NGF: variants seen among roughly 807,000 people sequenced by gnomAD.
NGF encodes the protein beta-nerve growth factor.
NGF carries 4 observed loss-of-function variants against 12.8 expected under a neutral mutation model. The ratio of observed to expected loss-of-function variants is 0.31; its 90% confidence interval spans 0.15 to 0.72. The LOEUF (loss-of-function observed/expected upper bound fraction) is 0.72, where lower values mean the gene tolerates loss of function less well. Among genes scored for constraint, NGF ranks in the 30% least tolerant of loss-of-function variants. NGF has a pLI of 0.69. For synonymous variants in NGF, 140 were observed against 130.0 expected, an observed-to-expected ratio of 1.08 and a Z score of -0.52; for missense variants, 283 against 330.8, an observed-to-expected ratio of 0.86 and a Z score of 1.12.
intron 1 of NGF, among the ~76,000 whole-genome samples, chr1:115,309,875 C>T (rs981380244): frequency 5.9e-5 from 9 of 152,004 alleles, no homozygotes; most frequent in African/African-American, 2.2e-4. Flanking sequence ...TGTAGAAATG[C>T]CCATTGTTTT....
chr1:115,333,942 A>G (rs541479732), intron 1 of NGF, among the ~76,000 whole-genome samples: 75 of 151,720 alleles, frequency 4.9e-4, no homozygotes, highest in African/African-American at 1.7e-3. Context: ...AGTAGAAAGC[A>G]TGTGTTCCTA....
intron 1 of NGF, among the ~76,000 whole-genome samples, chr1:115,330,167 G>A (rs1239340753): frequency 6.6e-6 from 1 of 152,186 alleles, no homozygotes; most frequent in East Asian, 1.9e-4. Context: ...TCTGAGGCAT[G>A]CAGCTAATTG....
chr1:115,293,566 C>T (rs546059870), intron 2 of NGF, 61 bp downstream of exon 2: 2 of 152,698 alleles, frequency 1.3e-5, no homozygotes, highest in East Asian at 3.9e-4. Context: ...ACTTGGGACT[C>T]CTGCTTCTGG....
intron 1 of NGF, among the ~76,000 whole-genome samples, chr1:115,336,485 C>A (rs1295149871): frequency 6.6e-6 from 1 of 152,318 alleles, no homozygotes. Context: ...TCCAGCTAGG[C>A]CAGTCTCAGC....
intron 1 of NGF, among the ~76,000 whole-genome samples, chr1:115,303,650 C>A (rs1654112268): frequency 6.6e-6 from 1 of 152,166 alleles, no homozygotes; most frequent in South Asian, 2.1e-4. Context: ...ATTACCATCC[C>A]CACCATCAAC....
chr1:115,290,091 G>T (rs1370064849), intron 2 of NGF, among the ~76,000 whole-genome samples: 1 of 152,086 alleles, frequency 6.6e-6, no homozygotes, highest in African/African-American at 2.4e-5. Flanking sequence ...CAAGTCCCTT[G>T]TCTGTAAGCC....
At position 115,317,144 on chromosome 1, in the gene NGF, G is replaced by A. The variant is rs573140193; in HGVS notation, c.-137+21060C>T. Among the ~76,000 whole-genome samples the A allele has an allele frequency of 4.6e-5, 7 of 152,274 alleles. No individual in the cohort carries two copies. The East Asian group carries it at 1.4e-3, about 29-fold the overall frequency. ...AAAAAATGCAGTTTTGCATGGTGGA[G>A]AGGGGATGGAGTCATGGCCCTTGTA... is the stretch of plus-strand genomic sequence containing the variant. On this transcript the variant is annotated intron_variant, in intron 1 of 2. Coordinates refer to ENST00000369512, the MANE Select transcript of NGF (RefSeq NM_002506.3).
intron 1 of NGF, among the ~76,000 whole-genome samples, chr1:115,333,756 C>CCA (rs1655020479): frequency 2.0e-5 from 2 of 102,180 alleles, no homozygotes; most frequent in South Asian, 6.6e-4. Context: ...CTTCCTCCCT[C>CCA]CCCCCTCTCT....
rs773369123 is a variant in NGF, at chr1:115,286,232, C to G, written c.564G>C (p.Gly188=). The G allele has an allele frequency of 6.2e-7, 1 of 1,614,154 alleles. No individual in the cohort carries two copies. Among genetic ancestry groups the G allele is most frequent in the Non-Finnish European group, 8.5e-7 (1 of 1,180,038 alleles). ...AGTGCTTTGAGTCAATGCCCCGGCA[C>G]CCGCTGTCAACGGGATTTGGGTCCC... ...KCRDPNPVDS[G]CRGIDSKHWN... Residue 188 remains glycine (G), a synonymous_variant, in exon 3 of 3, where the codon GGG becomes GGC. Transcript: ENST00000369512.
At chr1:115,301,573 C>T (rs1248309795) in intron 1 of NGF, among the ~76,000 whole-genome samples, 1 of 152,176 alleles carries the variant, frequency 6.6e-6, no homozygotes, top group Non-Finnish European at 1.5e-5. Flanking sequence ...CCATCTGGCC[C>T]TCTCTGGCAG....
intron 1 of NGF, among the ~76,000 whole-genome samples, chr1:115,297,533 T>G (rs1653908878): frequency 1.3e-5 from 2 of 152,190 alleles, no homozygotes; most frequent in South Asian, 4.1e-4. Context: ...CAATAATATT[T>G]TGATCAATTT....
At chr1:115,308,012 T>C (rs1161727220) in intron 1 of NGF, among the ~76,000 whole-genome samples, 2 of 152,260 alleles carry the variant, frequency 1.3e-5, no homozygotes, top group Non-Finnish European at 2.9e-5. Context: ...TTCCCATTGA[T>C]GCTTGGATCC....
At chr1:115,324,807 TCTC>T (rs1416521052) in intron 1 of NGF, among the ~76,000 whole-genome samples, 2 of 152,154 alleles carry the variant, frequency 1.3e-5, no homozygotes. Context: ...GCTGATCTCT[TCTC>T]CTAACATTCT....
chr1:115,286,375 C>A lies in NGF; in HGVS notation c.421G>T (p.Val141Leu). The A allele has an allele frequency of 6.2e-7, 1 of 1,614,012 alleles. No individual in the cohort carries two copies. The highest frequency in any genetic ancestry group is 1.1e-5 in the South Asian group (1 of 91,046). ...GEFSVCDSVSVWVGDKTTATD... is the reference protein window; with the variant it reads ...GEFSVCDSVSLWVGDKTTATD... ...GCGGTGGTCTTATCCCCAACCCACA[C>A]GCTGACACTGTCACACACCGAGAAT... The change falls in exon 3 of 3, where the codon GTG (valine) becomes TTG (leucine). Residue 141 changes from valine (V) to leucine (L), a missense_variant. Val to Leu is a conservative substitution (Grantham distance 32). Coordinates refer to ENST00000369512, the MANE Select transcript of NGF (RefSeq NM_002506.3).
intron 2 of NGF, 41 bp downstream of exon 2, chr1:115,293,586 A>C (rs11466096): frequency 0.011 from 1,675 of 152,782 alleles, 19 homozygotes; most frequent in Non-Finnish European, 0.019. Context: ...GCAGCTGCAG[A>C]GGGAGGACCT....
At chr1:115,305,814 T>G (rs1397382144) in intron 1 of NGF, among the ~76,000 whole-genome samples, 1 of 152,206 alleles carries the variant, frequency 6.6e-6, no homozygotes, top group Admixed American at 6.5e-5. Context: ...CTATTTAATT[T>G]TATGCATTTT....
chr1:115,292,700 G>A (rs1653741737), intron 2 of NGF, among the ~76,000 whole-genome samples: 2 of 152,122 alleles, frequency 1.3e-5, no homozygotes, highest in African/African-American at 2.4e-5. Flanking sequence ...GATAGGTGGT[G>A]GGGTGAGTAT....
At chr1:115,317,686 C>T (rs1475454193) in intron 1 of NGF, among the ~76,000 whole-genome samples, 1 of 152,158 alleles carries the variant, frequency 6.6e-6, no homozygotes, top group East Asian at 1.9e-4. Context: ...GAAGTTGCGG[C>T]CAAGCTACAG....
chr1:115,321,427 C>T (rs190009579), intron 1 of NGF, among the ~76,000 whole-genome samples: 55 of 152,110 alleles, frequency 3.6e-4, no homozygotes, highest in Middle Eastern at 3.4e-3. Flanking sequence ...TCTTTTTTTG[C>T]ATTTATTATA....
Sources: allele counts gnomAD v4.1 joint callset (sites outside exome capture counted in the v4.1 genomes callset), GRCh38; gene constraint gnomAD v4.1.1; transcripts MANE v1.5; gene names NCBI Gene and HGNC (gene_info 2026-07-23, HGNC 2026-07-21).